TIPIN: variants seen among roughly 807,000 people sequenced by gnomAD.
The protein encoded by TIPIN is TIMELESS-interacting protein.
TIPIN carries 29 observed loss-of-function variants against 35.6 expected under a neutral mutation model. The ratio of observed to expected loss-of-function variants is 0.82; its 90% CI spans 0.61 to 1.11. TIPIN has a LOEUF of 1.11. Ranked by LOEUF, TIPIN falls within the 50% of genes most tolerant of loss-of-function variation. The pLI is 0.00. For missense variants in TIPIN, 296 were observed against 345.4 expected (o/e 0.86, Z 1.13); for synonymous variants, 102 against 121.5 (o/e 0.84, Z 1.06).
At chr15:66,348,008 CTTTTT>C (rs543925918) in intron 6 of TIPIN, among the ~76,000 whole-genome samples, 13 of 135,508 alleles carry the variant, frequency 9.6e-5, no homozygotes, top group Non-Finnish European at 1.2e-4. Context: ...TTCTTTCTTT[CTTTTT>C]TTTTTTTTTT....
intron 1 of TIPIN, chr15:66,379,994 C>CTTTA: frequency 4.7e-6 from 2 of 422,344 alleles, no homozygotes; most frequent in Non-Finnish European, 8.1e-6. Context: ...TCTTTTCTTT[C>CTTTA]TTTCTTTCTT....
chr15:66,359,069 C>G (rs2093219741), upstream of TIPIN, among the ~76,000 whole-genome samples: 1 of 150,854 alleles, frequency 6.6e-6, no homozygotes, highest in Non-Finnish European at 1.5e-5. Context: ...TTAAAAAACA[C>G]TGGGTCCCGG....
At chr15:66,347,930 C>T (rs1353599629) in intron 6 of TIPIN, among the ~76,000 whole-genome samples, 2 of 151,916 alleles carry the variant, frequency 1.3e-5, no homozygotes, top group East Asian at 3.9e-4. Flanking sequence ...CTTTACCATA[C>T]TCTAATTATA....
Position 66,380,002 on chromosome 15 carries a change from CTTTT to C in TIPIN, c.-9+6601_-9+6604del, listed in dbSNP as rs55835135. On this transcript the variant is annotated intron_variant, in intron 1 of 7. Coordinates refer to the TIPIN transcript ENST00000562124. ...CTTCATTTCTTTTCTTTCTTTCTTT[CTTTT>C]TTTTTTTTTTTTTGAGACGGAGTCT... The C allele has an allele frequency of 2.8e-3, 819 of 289,480 alleles. 4 individuals carry two copies. Among genetic ancestry groups the C allele is most frequent in the African/African-American group, 0.024 (731 of 30,782 alleles). The allele number at this position is 289,480 out of a possible 1,614,324, so 17.9% of individuals were successfully genotyped here.
chr15:66,359,349 GT>G (rs998794316), upstream of TIPIN, among the ~76,000 whole-genome samples: 4 of 151,464 alleles, frequency 2.6e-5, no homozygotes, highest in African/African-American at 9.7e-5. Context: ...CATAAATTTA[GT>G]TTTTTTTGTT....
intron 1 of TIPIN, chr15:66,379,607 G>C: frequency 6.2e-7 from 1 of 1,609,652 alleles, no homozygotes; most frequent in Non-Finnish European, 8.5e-7. Context: ...CCGGGATAAC[G>C]ACGATGATGG....
chr15:66,343,835 C>A lies in TIPIN; in HGVS notation c.476-2479G>T, dbSNP rs150908492. Among the ~76,000 whole-genome samples, 7 of 152,196 alleles carry A rather than the reference C, an allele frequency of 4.6e-5. No homozygotes were observed. In the East Asian group the frequency reaches 1.4e-3, roughly 29 times the overall value. ...CCAACATGGTGAAACCCCGTCTCTA[C>A]TAAAAATACAAAATTAGTCGGGCAT... is the stretch of plus-strand genomic sequence containing the variant. On this transcript the variant is annotated intron_variant, in intron 6 of 7. Coordinates refer to ENST00000261881, the MANE Select transcript of TIPIN (RefSeq NM_017858.3).
intron 6 of TIPIN, among the ~76,000 whole-genome samples, chr15:66,346,173 C>T (rs899359373): frequency 6.6e-6 from 1 of 151,842 alleles, no homozygotes; most frequent in Non-Finnish European, 1.5e-5. Flanking sequence ...GTCTCGAACT[C>T]CTGGCCTCAA....
intron 5 of TIPIN, 92 bp from the exon 6 acceptor site, chr15:66,349,215 G>C: frequency 6.3e-7 from 1 of 1,598,820 alleles, no homozygotes; most frequent in Non-Finnish European, 8.5e-7. Flanking sequence ...TCTACCAAAA[G>C]AGATTTCAAA....
chr15:66,352,248 T>C (rs1464208258), intron 2 of TIPIN, 41 bp from the exon 3 acceptor site: 1 of 1,413,826 alleles, frequency 7.1e-7, no homozygotes, highest in East Asian at 2.3e-5. Context: ...TGTACTTAAA[T>C]GATTTGTATT....
intron 4 of TIPIN, among the ~76,000 whole-genome samples, chr15:66,350,892 G>A (rs1368214572): frequency 1.8e-4 from 25 of 141,132 alleles, no homozygotes; most frequent in African/African-American, 5.8e-4. Context: ...CCTAGATTGC[G>A]CCACTGCACT....
intron 1 of TIPIN, among the ~76,000 whole-genome samples, chr15:66,365,851 G>A (rs1269937043): frequency 6.6e-6 from 1 of 151,908 alleles, no homozygotes; most frequent in East Asian, 1.9e-4. Flanking sequence ...AGCCTGCTCT[G>A]CATATTAGTT....
At chr15:66,338,918 G>A (rs988061485) in intron 7 of TIPIN, among the ~76,000 whole-genome samples, 16 of 150,752 alleles carry the variant, frequency 1.1e-4, no homozygotes, top group Admixed American at 2.6e-4. Flanking sequence ...AGATCACTAG[G>A]TCAGGAGTTC....
At chr15:66,345,950 CTT>C (rs869186534) in intron 6 of TIPIN, among the ~76,000 whole-genome samples, 13 of 143,574 alleles carry the variant, frequency 9.1e-5, no homozygotes, top group Non-Finnish European at 1.1e-4. Flanking sequence ...AATTTATCTC[CTT>C]TTTTTTTTTT....
upstream of TIPIN, among the ~76,000 whole-genome samples, chr15:66,359,764 A>G (rs2093223205): frequency 6.6e-6 from 1 of 152,186 alleles, no homozygotes; most frequent in African/African-American, 2.4e-5. Context: ...TTTGACTAAT[A>G]AAGTAAATGT....
At chr15:66,365,288 A>T (rs572406289) in intron 1 of TIPIN, among the ~76,000 whole-genome samples, 2 of 129,062 alleles carry the variant, frequency 1.5e-5, no homozygotes, top group Non-Finnish European at 3.6e-5. Flanking sequence ...CATTATACAT[A>T]ATACATAATA....
At chr15:66,351,888 G>A (rs1411309650) in intron 3 of TIPIN, among the ~76,000 whole-genome samples, 2 of 151,812 alleles carry the variant, frequency 1.3e-5, no homozygotes, top group Admixed American at 6.6e-5. Flanking sequence ...ATCCGCCCAC[G>A]TAGGCCTCCC....
chr15:66,343,999 A>C (rs1188795347), intron 6 of TIPIN, among the ~76,000 whole-genome samples: 1 of 152,168 alleles, frequency 6.6e-6, no homozygotes, highest in African/African-American at 2.4e-5. Flanking sequence ...ACTCCGTCTC[A>C]AAAAAAGAAC....
At chr15:66,352,307 A>C (rs2093173616) in intron 2 of TIPIN, 100 bp from the exon 3 acceptor site, 1 of 938,530 alleles carries the variant, frequency 1.1e-6, no homozygotes, top group Admixed American at 2.9e-5. Context: ...AACATGGGAC[A>C]CCTTTTTTTG....
Sources: gnomAD v4.1 joint callset for allele counts (sites outside exome capture counted in the v4.1 genomes callset) on GRCh38, gnomAD v4.1.1 for gene constraint, MANE v1.5 for transcripts, NCBI Gene and HGNC (gene_info 2026-07-23, HGNC 2026-07-21) for gene names.